The following KIAA0825 variants were observed in gnomAD, a reference collection of about 807,000 sequenced individuals.
KIAA0825 encodes the protein KIAA0825, also known as uncharacterized protein KIAA0825.
Under a neutral mutation model 147.6 loss-of-function variants are expected in KIAA0825, and 119 were observed. The observed-to-expected ratio is 0.81, with a 90% CI of 0.69 to 0.94. KIAA0825 has a LOEUF of 0.94. KIAA0825 is among the 40% of genes least tolerant of loss of function. KIAA0825 has a pLI of 0.00. For missense variants in KIAA0825, 1,381 were observed against 1,472.7 expected (o/e 0.94, Z 1.02); for synonymous variants, 470 against 518.1 (o/e 0.91, Z 1.26).
intron 14 of KIAA0825, among the ~76,000 whole-genome samples, chr5:94,428,143 T>TGTG (rs1554278268): frequency 1.5e-5 from 2 of 134,498 alleles, no homozygotes; most frequent in South Asian, 2.5e-4. Context: ...TAAGGTCTTG[T>TGTG]TGTGTGTGTG....
intron 20 of KIAA0825, among the ~76,000 whole-genome samples, chr5:94,228,031 A>G (rs1019021865): frequency 6.6e-6 from 1 of 152,198 alleles, no homozygotes; most frequent in Non-Finnish European, 1.5e-5. Flanking sequence ...AAACTAGAAG[A>G]AAAAAAGGAT....
At chr5:94,374,805 C>T (rs1345481260) in intron 20 of KIAA0825, among the ~76,000 whole-genome samples, 2 of 152,094 alleles carry the variant, frequency 1.3e-5, no homozygotes, top group Non-Finnish European at 2.9e-5. Flanking sequence ...TGAAGCCTTC[C>T]CTGCCTATTC....
intron 20 of KIAA0825, among the ~76,000 whole-genome samples, chr5:94,202,463 A>G (rs1451745418): frequency 6.6e-6 from 1 of 152,206 alleles, no homozygotes; most frequent in Non-Finnish European, 1.5e-5. Context: ...CGGTGTGGCT[A>G]GGGTGGTGAT....
chr5:94,286,089 A>C (rs917417588), intron 20 of KIAA0825, among the ~76,000 whole-genome samples: 9 of 152,180 alleles, frequency 5.9e-5, no homozygotes, highest in Non-Finnish European at 1.2e-4. Context: ...CCCCTAATCA[A>C]GAAGTCAGCA....
At chr5:94,497,277 G>A (rs1764492383) in intron 5 of KIAA0825, among the ~76,000 whole-genome samples, 1 of 152,098 alleles carries the variant, frequency 6.6e-6, no homozygotes, top group Admixed American at 6.6e-5. Context: ...GATTCATTTT[G>A]GAATAATATG....
chr5:94,237,043 A>ATGTGTGTG (rs36021428), intron 20 of KIAA0825, among the ~76,000 whole-genome samples: 33 of 147,580 alleles, frequency 2.2e-4, no homozygotes, highest in South Asian at 1.7e-3. Context: ...AATAGGCTAT[A>ATGTGTGTG]TGTGTGTGTG....
chr5:94,368,444 GATTAC>G (rs1474565303), intron 20 of KIAA0825, among the ~76,000 whole-genome samples: 1 of 152,150 alleles, frequency 6.6e-6, no homozygotes, highest in Non-Finnish European at 1.5e-5. Context: ...AAAGTTCTGG[GATTAC>G]AGGTGTGAGC....
At chr5:94,358,915 A>C (rs1429117950) in intron 20 of KIAA0825, among the ~76,000 whole-genome samples, 1 of 152,184 alleles carries the variant, frequency 6.6e-6, no homozygotes, top group Non-Finnish European at 1.5e-5. Flanking sequence ...TATCATCACA[A>C]TCATTGCTAT....
intron 20 of KIAA0825, among the ~76,000 whole-genome samples, chr5:94,175,871 C>A (rs1463215660): frequency 6.6e-6 from 1 of 152,052 alleles, no homozygotes; most frequent in Non-Finnish European, 1.5e-5. Context: ...TTGCCATAAC[C>A]TATAAATTTA....
chr5:94,551,319 TA>T (rs1775496850), intron 2 of KIAA0825, among the ~76,000 whole-genome samples: 1 of 152,052 alleles, frequency 6.6e-6, no homozygotes, highest in Non-Finnish European at 1.5e-5. Context: ...ACTGAAAATT[TA>T]CCAAGTCCTG....
intron 20 of KIAA0825, among the ~76,000 whole-genome samples, chr5:94,358,496 A>G (rs1235111307): frequency 6.6e-6 from 1 of 152,240 alleles, no homozygotes; most frequent in Non-Finnish European, 1.5e-5. Flanking sequence ...ATAATATTCA[A>G]ATAAATACTA....
intron 20 of KIAA0825, among the ~76,000 whole-genome samples, chr5:94,285,890 A>C (rs1777647710): frequency 6.6e-6 from 1 of 152,162 alleles, no homozygotes; most frequent in South Asian, 2.1e-4. Context: ...CAGAAGCTAG[A>C]GTCGAGGTGG....
chr5:94,299,226 A>AT (rs1314734698), intron 20 of KIAA0825, among the ~76,000 whole-genome samples: 6 of 151,624 alleles, frequency 4.0e-5, no homozygotes, highest in African/African-American at 1.2e-4. Context: ...TTATTTATTT[A>AT]TTTTTTTAGC....
intron 20 of KIAA0825, among the ~76,000 whole-genome samples, chr5:94,234,381 A>G (rs555842985): frequency 1.3e-5 from 2 of 151,344 alleles, no homozygotes; most frequent in South Asian, 2.1e-4. Context: ...AAAAAAAAAT[A>G]AAAATAAAAA....
chr5:94,338,306 G>A (rs775424744), intron 20 of KIAA0825, among the ~76,000 whole-genome samples: 2 of 113,504 alleles, frequency 1.8e-5, no homozygotes, highest in Non-Finnish European at 3.8e-5. Flanking sequence ...AGTCAGGATA[G>A]ATAGCTAAAT....
In KIAA0825 at chr5:94,452,999, A is replaced by T; in HGVS notation, c.2317T>A (p.Trp773Arg). ...TAGAAATGTGATATGCAAGAAACCC[A>T]ATATAATGGTTGCTTAAAAAATGAT... ...LKSFFKQPLY[W>R]VSCISHFYPS... Residue 773 changes from tryptophan to arginine, a missense_variant, in exon 13 of 21, where the codon TGG (tryptophan) becomes AGG (arginine). By Grantham distance (101) the Trp-to-Arg change is moderately radical. Coordinates refer to ENST00000682413, the MANE Select transcript of KIAA0825 (RefSeq NM_001145678.3). The T allele has an allele frequency of 1.3e-6, 2 of 1,532,702 alleles. No individual in the cohort carries two copies. The highest frequency in any genetic ancestry group is 2.5e-5 in the South Asian group (2 of 80,244). The allele number at this position is 1,532,702 out of a possible 1,614,324, so 94.9% of individuals were successfully genotyped here.
chr5:94,273,040 G>T (rs1777063061), intron 20 of KIAA0825, among the ~76,000 whole-genome samples: 2 of 152,148 alleles, frequency 1.3e-5, no homozygotes, highest in Non-Finnish European at 2.9e-5. Flanking sequence ...GGATAAGCAG[G>T]GTGGCCTTGC....
chr5:94,279,811 C>T (rs1022792173), intron 20 of KIAA0825, among the ~76,000 whole-genome samples: 5 of 151,920 alleles, frequency 3.3e-5, no homozygotes, highest in Admixed American at 6.6e-5. Flanking sequence ...AGATACTTTT[C>T]GATAATTTTA....
At chr5:94,216,724 C>G (rs1037061362) in intron 20 of KIAA0825, among the ~76,000 whole-genome samples, 1 of 152,202 alleles carries the variant, frequency 6.6e-6, no homozygotes, top group African/African-American at 2.4e-5. Flanking sequence ...CTTCTCAATG[C>G]AGGAGTATTA....
Sources: allele counts gnomAD v4.1 joint callset (sites outside exome capture counted in the v4.1 genomes callset), GRCh38; gene constraint gnomAD v4.1.1; transcripts MANE v1.5; gene names NCBI Gene and HGNC (gene_info 2026-07-23, HGNC 2026-07-21).